PARD3B: variants seen among roughly 807,000 people sequenced by gnomAD.
The protein encoded by PARD3B is par-3 family cell polarity regulator beta.
PARD3B carries 103 observed loss-of-function variants against 130.2 expected under a neutral mutation model. That is an observed-to-expected ratio of 0.79 (90% CI 0.67 to 0.93). The LOEUF is 0.93. Among genes scored for constraint, PARD3B ranks in the 40% least tolerant of loss-of-function variants. The pLI is 0.00. For synonymous variants in PARD3B, 583 were observed against 553.2 expected (o/e 1.05, Z -0.76); for missense variants, 1,609 against 1,499.2 (o/e 1.07, Z -1.21).
chr2:205,243,145 A>G (rs1048726018), intron 15 of PARD3B, among the ~76,000 whole-genome samples: 6 of 152,128 alleles, frequency 3.9e-5, no homozygotes, highest in Non-Finnish European at 8.8e-5. Flanking sequence ...TAGCCTGGGC[A>G]ACAAGAGCGA....
At chr2:205,417,264 C>G (rs866947104) in intron 19 of PARD3B, among the ~76,000 whole-genome samples, 7 of 152,058 alleles carry the variant, frequency 4.6e-5, no homozygotes, top group Admixed American at 1.3e-4. Flanking sequence ...TGAACTCACC[C>G]TTTCTTATGG....
In PARD3B at chr2:205,341,023, T is replaced by C. The variant is rs11691345; in HGVS notation, c.2630+39322T>C. Among the ~76,000 whole-genome samples the C allele has an allele frequency of 0.59, 90,061 of 151,584 alleles. 30,392 individuals are homozygous for C. The highest frequency in any genetic ancestry group is 0.77 in the South Asian group (3,707 of 4,828). On this transcript the variant is annotated intron_variant, in intron 18 of 22. Coordinates refer to ENST00000406610, the MANE Select transcript of PARD3B (RefSeq NM_001302769.2). The surrounding 1 kb of genome is among the most constrained non-coding windows in gnomAD (Gnocchi z 4.3). ...TTGACATTACTAATCATCAGGGAAA[T>C]ACAAACCAAAACCACAGTGAGATTT...
intron 2 of PARD3B, among the ~76,000 whole-genome samples, chr2:204,742,824 C>T (rs1293873789): frequency 6.6e-6 from 1 of 152,066 alleles, no homozygotes; most frequent in Non-Finnish European, 1.5e-5. Flanking sequence ...GATTGTTTTG[C>T]TATGTTAGAT....
chr2:205,224,370 C>CAAAAAAAAAAAAAAAAAAAA (rs1231030778), intron 15 of PARD3B, among the ~76,000 whole-genome samples: 1 of 55,992 alleles, frequency 1.8e-5, no homozygotes, highest in African/African-American at 8.4e-5. Context: ...GACTCCGTCT[C>CAAAAAAAAAAAAAAAAAAAA]AAAAAAAAAA....
rs765270843 is a variant in PARD3B at position 205,172,331 on chromosome 2, C to T, written c.1741C>T (p.Arg581Ter). The change falls in exon 12 of 23, where the codon CGA (arginine) becomes TGA (stop). Residue 581 changes from arginine to a stop codon, truncating the protein, a stop_gained. Coordinates refer to ENST00000406610, the MANE Select transcript of PARD3B (RefSeq NM_001302769.2). LOFTEE classifies it high-confidence loss of function. Reference protein sequence around the residue: ...RRSMSMEGNIRGMIQLVILRR... With the variant: ...RRSMSMEGNI ...GTCAATGTCCATGGAGGGAAACATC[C>T]GAGGGATGATCCAGTTGGTGATTCT... is the stretch of plus-strand genomic sequence containing the variant. 14 of 1,613,908 alleles carry T rather than the reference C, an allele frequency of 8.7e-6. No homozygotes were observed. Among genetic ancestry groups the T allele is most frequent in the East Asian group, 2.2e-5 (1 of 44,876 alleles).
intron 1 of PARD3B, among the ~76,000 whole-genome samples, chr2:204,561,249 G>A (rs1477452243): frequency 1.3e-5 from 2 of 152,190 alleles, no homozygotes; most frequent in East Asian, 3.8e-4. Context: ...TTAGAGGGCA[G>A]GTGTGGGAAC....
intron 1 of PARD3B, among the ~76,000 whole-genome samples, chr2:204,649,793 A>C (rs1324224836): frequency 6.6e-6 from 1 of 152,222 alleles, no homozygotes; most frequent in African/African-American, 2.4e-5. Context: ...TAAATGTAAA[A>C]TCCAAAACTA....
At position 204,938,746 on chromosome 2, in the gene PARD3B, T is replaced by G. The variant is rs145931503; in HGVS notation, c.223-26406T>G. 1.3e-4 allele frequency among the ~76,000 whole-genome samples: 20 copies of G among 152,340 alleles called. 1 individual carries two copies. The East Asian group carries it at 3.9e-3, about 29-fold the overall frequency. On this transcript the variant is annotated intron_variant, in intron 2 of 22. Coordinates refer to ENST00000406610, the MANE Select transcript of PARD3B (RefSeq NM_001302769.2). ...TCAGTGTTTTTAAACATTCTTCAGA[T>G]GATTCTGTTGTGCAGCTAGGGTTGA... is the stretch of plus-strand genomic sequence containing the variant.
At chr2:205,246,511 GC>G (rs1444556073) in intron 16 of PARD3B, among the ~76,000 whole-genome samples, 4 of 152,158 alleles carry the variant, frequency 2.6e-5, no homozygotes, top group Admixed American at 2.6e-4. Context: ...TACTAAGCTA[GC>G]AAATAGTGGA....
chr2:205,096,318 A>G (rs1292367220), intron 4 of PARD3B, among the ~76,000 whole-genome samples: 2 of 152,176 alleles, frequency 1.3e-5, no homozygotes, highest in African/African-American at 4.8e-5. Context: ...CAAAGCAATG[A>G]TGAACTTATA....
rs552377864 is a variant in PARD3B, at chr2:205,027,660, T to C, written c.395-19921T>C. Among the ~76,000 whole-genome samples the C allele has an allele frequency of 3.4e-4, 52 of 152,290 alleles. No individual in the cohort carries two copies. In the South Asian group the frequency reaches 3.5e-3, roughly 10 times the overall value. On this transcript the variant is annotated intron_variant, in intron 3 of 22. Coordinates refer to ENST00000406610, the MANE Select transcript of PARD3B (RefSeq NM_001302769.2). ...GCCAAGATCAATGTAAAGGAGCTTT[T>C]TCACTGTGCTTTTTCCTAGGAATTT... is the stretch of plus-strand genomic sequence containing the variant.
Position 205,007,535 on chromosome 2 carries a change from A to G in PARD3B, c.395-40046A>G, listed in dbSNP as rs146465649. Among the ~76,000 whole-genome samples the G allele has an allele frequency of 4.5e-3, 689 of 152,136 alleles. 5 individuals are homozygous for G. Among genetic ancestry groups the G allele is most frequent in the African/African-American group, 0.016 (662 of 41,496 alleles). Reference sequence around the variant, plus strand: ...ATTCTCTATTCTGTTCCACTGGTCTATGTGCCTGTTTTTATACCACTACCG... The same window carrying G: ...ATTCTCTATTCTGTTCCACTGGTCTGTGTGCCTGTTTTTATACCACTACCG... On this transcript the variant is annotated intron_variant, in intron 3 of 22. Coordinates refer to ENST00000406610, the MANE Select transcript of PARD3B (RefSeq NM_001302769.2).
At chr2:204,996,381 G>C (rs888512958) in intron 3 of PARD3B, among the ~76,000 whole-genome samples, 26 of 152,272 alleles carry the variant, frequency 1.7e-4, no homozygotes, top group Admixed American at 4.6e-4. Context: ...GTGCCTCCCA[G>C]TTAGGCTGCT....
chr2:204,819,184 A>T (rs549660460), intron 2 of PARD3B, among the ~76,000 whole-genome samples: 1 of 152,274 alleles, frequency 6.6e-6, no homozygotes, highest in East Asian at 1.9e-4. Flanking sequence ...GTTTTTTTGC[A>T]AATTGAAGGT....
At chr2:205,120,932 A>C (rs1559458819) in intron 7 of PARD3B, among the ~76,000 whole-genome samples, 1 of 152,208 alleles carries the variant, frequency 6.6e-6, no homozygotes, top group Non-Finnish European at 1.5e-5. Flanking sequence ...ATGTTATAAG[A>C]AGTTTGAGGA....
chr2:204,745,993 T>TA (rs1363861705), intron 2 of PARD3B, among the ~76,000 whole-genome samples: 1 of 151,616 alleles, frequency 6.6e-6, no homozygotes. Context: ...TTTTTTTTTT[T>TA]ATTATACTTT....
chr2:205,272,436 T>C (rs2040766956), intron 16 of PARD3B, among the ~76,000 whole-genome samples: 1 of 152,224 alleles, frequency 6.6e-6, no homozygotes, highest in African/African-American at 2.4e-5. Flanking sequence ...TAAACTTTAG[T>C]ATATTTTATA....
At chr2:204,682,925 C>T (rs2036906116) in intron 1 of PARD3B, among the ~76,000 whole-genome samples, 1 of 152,152 alleles carries the variant, frequency 6.6e-6, no homozygotes, top group African/African-American at 2.4e-5. Context: ...TTCATGTCAT[C>T]TACCCATAGT....
chr2:204,935,371 T>C (rs913179328), intron 2 of PARD3B, among the ~76,000 whole-genome samples: 2 of 94,258 alleles, frequency 2.1e-5, no homozygotes, highest in Non-Finnish European at 5.0e-5. Context: ...CTACTAAAAA[T>C]ACAAAAAAAA....
Sources: allele counts gnomAD v4.1 joint callset (sites outside exome capture counted in the v4.1 genomes callset), GRCh38; gene constraint gnomAD v4.1.1; non-coding constraint Gnocchi (gnomAD v3.1); transcripts MANE v1.5; gene names NCBI Gene and HGNC (gene_info 2026-07-23, HGNC 2026-07-21).